Variants in SAMD13 observed in about 807,000 individuals in gnomAD.
The protein encoded by SAMD13 is sterile alpha motif domain-containing protein 13.
SAMD13 carries 9 observed loss-of-function variants against 12.4 expected under a neutral mutation model. The observed-to-expected ratio is 0.72, with a 90% confidence interval of 0.44 to 1.26. The LOEUF is 1.26. Among genes scored for constraint, SAMD13 ranks in the 50% most tolerant of loss-of-function variants. SAMD13 has a pLI of 0.00. For missense variants in SAMD13, 84 were observed against 119.6 expected (o/e 0.70, Z 1.39); for synonymous variants, 46 against 45.4 (o/e 1.01, Z -0.05).
chr1:84,350,085 C>CCTG lies in SAMD13; in HGVS notation c.*311_*312insCTG. On this transcript the variant is annotated 3_prime_UTR_variant, in exon 4 of 4. Coordinates refer to ENST00000394834, the MANE Select transcript of SAMD13 (RefSeq NM_001134663.2). ...AAGGATTTTCCTCATCTCTTTATAG[C>CCTG]TTTCCCAAAATCTTTTAAAAAAGAA... The CCTG allele has an allele frequency of 4.5e-6, 1 of 224,232 alleles. No individual in the cohort carries two copies. 13.9% of individuals were successfully genotyped at this position (224,232 alleles called of 1,614,324 possible).
intron 3 of SAMD13, among the ~76,000 whole-genome samples, chr1:84,338,280 G>A (rs1458387320): frequency 6.6e-6 from 1 of 152,094 alleles, no homozygotes; most frequent in East Asian, 1.9e-4. Flanking sequence ...ACTGGGCAAT[G>A]TACCAAAGAA....
chr1:84,298,594 G>C, upstream of SAMD13: 1 of 1,283,004 alleles, frequency 7.8e-7, no homozygotes, highest in Non-Finnish European at 9.9e-7. Flanking sequence ...TGCGCCCAGG[G>C]CGTGGGAAGG....
At chr1:84,299,523 A>G, upstream of SAMD13, 1 of 1,191,648 alleles carries the variant, frequency 8.4e-7, no homozygotes, top group East Asian at 2.7e-5. Flanking sequence ...TACGTACCAC[A>G]CCCACACACA....
intron 3 of SAMD13, chr1:84,344,990 C>T: frequency 2.2e-6 from 1 of 456,680 alleles, no homozygotes; most frequent in Non-Finnish European, 4.4e-6. Context: ...TTTCCCTTGG[C>T]CTTGTGGGTA....
chr1:84,326,832 A>G (rs2101805907), intron 3 of SAMD13, among the ~76,000 whole-genome samples: 1 of 152,272 alleles, frequency 6.6e-6, no homozygotes, highest in African/African-American at 2.4e-5. Context: ...TGCACACGCC[A>G]ATTTCTAGAT....
chr1:84,348,235 C>A (rs1012510755), intron 3 of SAMD13, among the ~76,000 whole-genome samples: 30 of 152,144 alleles, frequency 2.0e-4, no homozygotes, highest in Non-Finnish European at 4.1e-4. Context: ...AAGGGACTTG[C>A]CTAAGGTCAC....
intron 3 of SAMD13, among the ~76,000 whole-genome samples, chr1:84,326,754 C>G (rs528664586): frequency 6.6e-6 from 1 of 152,134 alleles, no homozygotes; most frequent in East Asian, 1.9e-4. Flanking sequence ...ATCCCTTCAG[C>G]CATTGTTCAT....
chr1:84,346,588 T>C (rs1409047559), intron 3 of SAMD13, among the ~76,000 whole-genome samples: 1 of 152,220 alleles, frequency 6.6e-6, no homozygotes, highest in Non-Finnish European at 1.5e-5. Flanking sequence ...TTTATATTAA[T>C]ACACAGACTG....
At chr1:84,314,337 T>G (rs1224182464) in intron 2 of SAMD13, among the ~76,000 whole-genome samples, 1 of 152,154 alleles carries the variant, frequency 6.6e-6, no homozygotes, top group East Asian at 1.9e-4. Context: ...GGAAGCCTGG[T>G]CTGGCTTCTC....
intron 3 of SAMD13, among the ~76,000 whole-genome samples, chr1:84,333,572 A>G (rs537195847): frequency 5.3e-5 from 8 of 152,128 alleles, no homozygotes; most frequent in Non-Finnish European, 8.8e-5. Context: ...TTGATTTTGT[A>G]TACTGAAACT....
At chr1:84,346,406 C>T (rs371105771) in intron 3 of SAMD13, among the ~76,000 whole-genome samples, 1 of 152,282 alleles carries the variant, frequency 6.6e-6, no homozygotes, top group African/African-American at 2.4e-5. Flanking sequence ...GTTAATTTTA[C>T]ATAAAGACAC....
At chr1:84,322,061 A>C (rs1199865115) in intron 2 of SAMD13, among the ~76,000 whole-genome samples, 1 of 152,178 alleles carries the variant, frequency 6.6e-6, no homozygotes, top group Non-Finnish European at 1.5e-5. Flanking sequence ...CAAGTGTTCT[A>C]GGCAGGCGGA....
chr1:84,310,479 A>G (rs1303998331), intron 2 of SAMD13, among the ~76,000 whole-genome samples: 2 of 152,216 alleles, frequency 1.3e-5, no homozygotes, highest in Non-Finnish European at 2.9e-5. Context: ...CTTGACTTAC[A>G]GGATCTCTCA....
At chr1:84,303,524 T>C (rs1460454059) in intron 2 of SAMD13, 1 of 358,972 alleles carries the variant, frequency 2.8e-6, no homozygotes, top group Non-Finnish European at 5.3e-6. Flanking sequence ...TGTATCAGGC[T>C]TTGGAACAAG....
rs1403180470 is a variant in SAMD13 at position 84,337,400 on chromosome 1, C to T, written c.165+11652C>T. ...GAGATTCCCAAACCTCAATTCTTGA[C>T]TTCTCTGCACTCGCAGGTTCAACAC... On this transcript the variant is annotated intron_variant, in intron 3 of 3. Transcript: ENST00000394834. Among the ~76,000 whole-genome samples, 5 of 152,226 alleles carry T rather than the reference C, an allele frequency of 3.3e-5. No homozygotes were observed. The East Asian group carries it at 9.6e-4, about 29-fold the overall frequency.
chr1:84,328,965 A>G (rs1475588290), intron 3 of SAMD13, among the ~76,000 whole-genome samples: 1 of 152,126 alleles, frequency 6.6e-6, no homozygotes, highest in Non-Finnish European at 1.5e-5. Flanking sequence ...GTTGCCAGTG[A>G]TGTGGGGAGC....
rs1371496502 is a variant in SAMD13, at chr1:84,349,078, G to A, written c.166-553G>A. On this transcript the variant is annotated intron_variant, in intron 3 of 3. Transcript: ENST00000394834. ...ATATTTAAGTATCAGGAGAAGCAGA[G>A]GGGGATTATAAAAAGAACATTGGCT... 2.0e-5 allele frequency among the ~76,000 whole-genome samples: 3 copies of A among 152,190 alleles called. No individual in the cohort carries two copies. The East Asian group carries it at 5.8e-4, about 29-fold the overall frequency.
chr1:84,316,802 G>A (rs1678845000), intron 2 of SAMD13, among the ~76,000 whole-genome samples: 1 of 151,954 alleles, frequency 6.6e-6, no homozygotes, highest in Admixed American at 6.6e-5. Flanking sequence ...ATTGCTTTGG[G>A]TCATATGGAA....
intron 2 of SAMD13, among the ~76,000 whole-genome samples, chr1:84,311,040 A>C (rs1176410618): frequency 6.6e-6 from 1 of 152,106 alleles, no homozygotes; most frequent in Non-Finnish European, 1.5e-5. Context: ...TTTGTCTTTA[A>C]TTTTTGAATA....
Sources: gnomAD v4.1 joint callset for allele counts (sites outside exome capture counted in the v4.1 genomes callset) on GRCh38, gnomAD v4.1.1 for gene constraint, MANE v1.5 for transcripts, NCBI Gene and HGNC (gene_info 2026-07-23, HGNC 2026-07-21) for gene names.